Variants in LMNB1 observed in about 807,000 individuals in gnomAD.
LMNB1 encodes lamin B1, also known as lamin-B1.
Under a neutral mutation model 67.1 loss-of-function variants are expected in LMNB1, and 23 were observed. The observed-to-expected ratio is 0.34, with a 90% CI of 0.25 to 0.49. The LOEUF (loss-of-function observed/expected upper bound fraction) is 0.49. Among genes scored for constraint, LMNB1 ranks in the 20% least tolerant of loss-of-function variants. The probability of loss-of-function intolerance (pLI) is 0.99; values close to 1 mark genes in which losing one functional copy is unlikely to be tolerated. For missense variants in LMNB1, 634 were observed against 746.5 expected (o/e 0.85, Z 1.76); for synonymous variants, 281 against 282.9 (o/e 0.99, Z 0.07).
chr5:126,812,010 T>A, intron 5 of LMNB1, 112 bp downstream of exon 5: 1 of 1,072,160 alleles, frequency 9.3e-7, no homozygotes, highest in Non-Finnish European at 1.4e-6. Flanking sequence ...TTACAGAGGA[T>A]GGTGTCATCC....
At chr5:126,835,591 A>C (rs1444933119) in intron 10 of LMNB1, among the ~76,000 whole-genome samples, 2 of 152,240 alleles carry the variant, frequency 1.3e-5, no homozygotes, top group Admixed American at 1.3e-4. Flanking sequence ...AATGGTTTTC[A>C]AATTGAGCTG....
At chr5:126,807,945 C>T (rs1580541749) in intron 3 of LMNB1, among the ~76,000 whole-genome samples, 1 of 151,982 alleles carries the variant, frequency 6.6e-6, no homozygotes, top group Admixed American at 6.6e-5. Context: ...GATCTTGGCT[C>T]ACTGCAACCT....
intron 9 of LMNB1, among the ~76,000 whole-genome samples, chr5:126,828,632 A>C (rs1752056774): frequency 6.7e-6 from 1 of 148,434 alleles, no homozygotes; most frequent in Non-Finnish European, 1.5e-5. Context: ...GCTGGAGTGG[A>C]GTGGCATAGC....
In LMNB1 at chr5:126,791,048, CAAAT is replaced by C. The variant is rs1046182099; in HGVS notation, c.359+13193_359+13196del. ...ATAAATAAATAAATAAACAAATAAA[CAAAT>C]AAATAAATAAAATGAAGACGTGTTC... On this transcript the variant is annotated intron_variant, in intron 1 of 10. Coordinates refer to ENST00000261366, the MANE Select transcript of LMNB1 (RefSeq NM_005573.4). Among the ~76,000 whole-genome samples, 400 of 151,974 alleles carry C rather than the reference CAAAT, an allele frequency of 2.6e-3. 6 individuals carry two copies. The highest frequency in any genetic ancestry group is 7.9e-3 in the African/African-American group (326 of 41,390).
chr5:126,836,758 AT>A lies in LMNB1; in HGVS notation c.*502del, dbSNP rs985777829. ...TTTGTAATAAGCAATCAAGGTTATA[AT>A]TTTTTTTAAAATAGAAATTTTGTAA... is the stretch of plus-strand genomic sequence containing the variant. On this transcript the variant is annotated 3_prime_UTR_variant, in exon 11 of 11. Coordinates refer to ENST00000261366, the MANE Select transcript of LMNB1 (RefSeq NM_005573.4). 14 of 393,548 alleles carry A rather than the reference AT, an allele frequency of 3.6e-5. No homozygotes were observed. Among genetic ancestry groups the A allele is most frequent in the Non-Finnish European group, 6.3e-5 (14 of 223,570 alleles). The allele number at this position is 393,548 out of a possible 1,614,324, so 24.4% of individuals were successfully genotyped here. A position where few individuals can be genotyped will look rare whatever the true frequency, so the allele number is the denominator to read the frequency against.
chr5:126,808,880 ATTTT>A (rs111276109), intron 3 of LMNB1, among the ~76,000 whole-genome samples: 2 of 145,886 alleles, frequency 1.4e-5, no homozygotes, highest in African/African-American at 5.0e-5. Context: ...TCTAATTATT[ATTTT>A]TTTTTTTTTG....
At chr5:126,780,268 T>TA (rs1205234153) in intron 1 of LMNB1, among the ~76,000 whole-genome samples, 5 of 152,150 alleles carry the variant, frequency 3.3e-5, no homozygotes, top group Admixed American at 6.6e-5. Context: ...AAGATTTTTT[T>TA]AAAAAAATGA....
rs770654368 is a variant in LMNB1, at chr5:126,822,775, G to A, written c.1387-6G>A. 4.5e-6 allele frequency: 7 copies of A among 1,572,442 alleles called. No homozygotes were observed. In the South Asian group the frequency reaches 7.8e-5, roughly 17 times the overall value. ...TAACACCCCTCACCCTCCTTTCTGT[G>A]TGTAGGATCAACCAATGGGAGGCTG... On this transcript the variant is annotated splice_polypyrimidine_tract_variant and splice_region_variant and intron_variant, in intron 7 of 10. Coordinates refer to ENST00000261366, the MANE Select transcript of LMNB1 (RefSeq NM_005573.4).
chr5:126,777,994 C>CA, intron 1 of LMNB1, 127 bp downstream of exon 1: 1 of 850,862 alleles, frequency 1.2e-6, no homozygotes, highest in Non-Finnish European at 1.6e-6. Context: ...TCTGAAGGAA[C>CA]AGGGTCTCGG....
chr5:126,836,691 GA>G lies in LMNB1; in HGVS notation c.*431del. The G allele has an allele frequency of 5.2e-6, 2 of 383,748 alleles. No individual in the cohort carries two copies. The highest frequency in any genetic ancestry group is 7.4e-5 in the East Asian group (2 of 26,918). 23.8% of individuals were successfully genotyped at this position (383,748 alleles called of 1,614,324 possible). ...TATAAAACGGTGCTGTGAGGGAGGG[GA>G]AAAGCATTTTTCAATATATTGAACT... On this transcript the variant is annotated 3_prime_UTR_variant, in exon 11 of 11. Transcript: ENST00000261366.
Position 126,804,949 on chromosome 5 carries a change from T to C in LMNB1, c.516+17T>C, listed in dbSNP as rs746308557. 2.5e-5 allele frequency: 40 copies of C among 1,611,266 alleles called. No homozygotes were observed. In the East Asian group the frequency reaches 6.2e-4, roughly 25 times the overall value. On this transcript the variant is annotated intron_variant, in intron 2 of 10. Transcript: ENST00000261366. ...ATTGCCCAGGTAAGGTCAAGCCTAC[T>C]CTTGAGCCGTATGTGACAGGTTAAT...
rs2230151 is a variant in LMNB1, at chr5:126,836,282, C to T, written c.*18C>T. 0.064 allele frequency: 100,971 copies of T among 1,573,692 alleles called. 3,483 individuals are homozygous for T. The highest frequency in any genetic ancestry group is 0.074 in the South Asian group (6,696 of 90,088). On this transcript the variant is annotated 3_prime_UTR_variant, in exon 11 of 11. Coordinates refer to ENST00000261366, the MANE Select transcript of LMNB1 (RefSeq NM_005573.4). ...TTATGTAAAATTTTCAACTGTCTTC[C>T]TCAAAATAAAGAAGTATGGTAATCT... is the stretch of plus-strand genomic sequence containing the variant.
At chr5:126,778,744 A>T (rs1399557208) in intron 1 of LMNB1, among the ~76,000 whole-genome samples, 5 of 152,130 alleles carry the variant, frequency 3.3e-5, no homozygotes. Context: ...TAGTATAGTC[A>T]GGCTTTCGGG....
At chr5:126,784,012 T>C (rs968366761) in intron 1 of LMNB1, among the ~76,000 whole-genome samples, 11 of 141,798 alleles carry the variant, frequency 7.8e-5, no homozygotes, top group African/African-American at 2.9e-4. Flanking sequence ...GGCTGTCATT[T>C]GATTTTTTTT....
intron 1 of LMNB1, 149 bp downstream of exon 1, chr5:126,778,016 G>C (rs1227391070): frequency 2.7e-6 from 2 of 736,624 alleles, no homozygotes; most frequent in Non-Finnish European, 3.9e-6. Context: ...CTCCGGAAAG[G>C]AGAAAGAATC....
intron 8 of LMNB1, among the ~76,000 whole-genome samples, 175 bp downstream of exon 8, chr5:126,823,060 G>A (rs1751910402): frequency 6.6e-6 from 1 of 152,200 alleles, no homozygotes; most frequent in African/African-American, 2.4e-5. Context: ...CTTATTGAGA[G>A]TAGTGAAGAA....
intron 1 of LMNB1, among the ~76,000 whole-genome samples, chr5:126,800,644 CTTTTTTTTTTTTTT>C (rs35363581): frequency 5.6e-5 from 3 of 53,930 alleles, no homozygotes; most frequent in Non-Finnish European, 1.0e-4. Flanking sequence ...ACTGTATCTT[CTTTTTTTTTTTTTT>C]TTTTTTTTTT....
At position 126,805,574 on chromosome 5, in the gene LMNB1, G is replaced by C. The variant is rs1256685465; in HGVS notation, c.520G>C (p.Glu174Gln). The change falls in exon 3 of 11, where the codon GAA becomes CAA. Residue 174 changes from glutamate to glutamine, a missense_variant. By Grantham distance (29) the Glu-to-Gln change is conservative (BLOSUM62 2). Transcript: ENST00000261366. ...CAATTCTTTTTCCTTGTAATAGTTG[G>C]AAGCCTCCTTAGCTGCAGCCAAAAA... ...EDLKDQIAQL[E>Q]ASLAAAKKQL... The C allele has an allele frequency of 6.3e-7, 1 of 1,598,560 alleles. No individual in the cohort carries two copies. The highest frequency in any genetic ancestry group is 1.7e-5 in the Admixed American group (1 of 58,614).
chr5:126,794,698 A>C (rs1330212318), intron 1 of LMNB1, among the ~76,000 whole-genome samples: 5 of 152,190 alleles, frequency 3.3e-5, no homozygotes, highest in African/African-American at 1.2e-4. Flanking sequence ...AGCTAGGCCT[A>C]ATTGGCCTGG....
Sources: gnomAD v4.1 joint callset for allele counts (sites outside exome capture counted in the v4.1 genomes callset) on GRCh38, gnomAD v4.1.1 for gene constraint, MANE v1.5 for transcripts, NCBI Gene and HGNC (gene_info 2026-07-23, HGNC 2026-07-21) for gene names.